Variants in PTPRK observed in about 807,000 individuals in gnomAD.
The protein encoded by PTPRK is receptor-type tyrosine-protein phosphatase kappa.
Under a neutral mutation model 178.0 loss-of-function variants are expected in PTPRK, and 75 were observed. The ratio of observed to expected loss-of-function variants is 0.42; its 90% CI spans 0.35 to 0.51. The LOEUF (loss-of-function observed/expected upper bound fraction) is 0.51, where lower values mean the gene tolerates loss of function less well. Ranked by LOEUF, PTPRK falls within the 20% of genes least tolerant of loss-of-function variation. The pLI, the probability that PTPRK is intolerant of heterozygous loss-of-function variation, is 0.02. For missense variants in PTPRK, 1,441 were observed against 1,797.8 expected (o/e 0.80, Z 3.59); for synonymous variants, 637 against 620.6 (o/e 1.03, Z -0.39).
intron 5 of PTPRK, among the ~76,000 whole-genome samples, chr6:128,228,620 A>G (rs2128277868): frequency 6.6e-6 from 1 of 150,498 alleles, no homozygotes; most frequent in Middle Eastern, 3.4e-3. Flanking sequence ...AGATCGCGCC[A>G]CTACACTCCA....
At chr6:128,201,414 G>A (rs1316216684) in intron 6 of PTPRK, among the ~76,000 whole-genome samples, 1 of 152,372 alleles carries the variant, frequency 6.6e-6, no homozygotes, top group East Asian at 1.9e-4. Flanking sequence ...GCACATGTGA[G>A]TGTGCATGAG....
intron 13 of PTPRK, among the ~76,000 whole-genome samples, chr6:128,060,231 A>G (rs1780582473): frequency 6.6e-6 from 1 of 152,130 alleles, no homozygotes; most frequent in Non-Finnish European, 1.5e-5. Flanking sequence ...ACTCCTTTTT[A>G]ATTTCTAGTT....
rs372902643 is a variant in PTPRK at position 128,295,952 on chromosome 6, T to C, written c.495+26087A>G. On this transcript the variant is annotated intron_variant, in intron 3 of 29. Transcript: ENST00000368226. ...AGTTTAGACTTACATCCTTACAGAG[T>C]GTGCTCTAAAGAACATAAAAAACGA... Among the ~76,000 whole-genome samples the C allele has an allele frequency of 3.9e-5, 6 of 152,140 alleles. No homozygotes were observed. The East Asian group carries it at 5.8e-4, about 15-fold the overall frequency.
At chr6:128,403,176 T>A (rs966115866) in intron 1 of PTPRK, among the ~76,000 whole-genome samples, 2 of 152,244 alleles carry the variant, frequency 1.3e-5, no homozygotes, top group East Asian at 1.9e-4. Context: ...CCAAGATTAT[T>A]TAGCTAGTAA....
intron 2 of PTPRK, among the ~76,000 whole-genome samples, chr6:128,395,200 A>G (rs75922360): frequency 6.6e-6 from 1 of 152,308 alleles, no homozygotes; most frequent in East Asian, 1.9e-4. Flanking sequence ...TCTATTATAA[A>G]AAGAGATGAC....
intron 1 of PTPRK, among the ~76,000 whole-genome samples, chr6:128,493,544 G>T (rs1292801568): frequency 6.8e-6 from 1 of 147,110 alleles, no homozygotes; most frequent in African/African-American, 2.5e-5. Context: ...CTGGGTGAAA[G>T]AGCGAGACTC....
chr6:128,171,315 A>G (rs1241924188), intron 7 of PTPRK, among the ~76,000 whole-genome samples: 2 of 152,082 alleles, frequency 1.3e-5, no homozygotes, highest in East Asian at 3.9e-4. Context: ...GCACTTTCAT[A>G]TTAGTACAAA....
Position 128,005,262 on chromosome 6 carries a change from A to G in PTPRK, c.2334-18T>C. Reference sequence around the variant, plus strand: ...CAAGTTTGCTGCCAAGGCAAATACAAAAGGGCATCCTTAGTGTTTGAGGCT... The same window carrying G: ...CAAGTTTGCTGCCAAGGCAAATACAGAAGGGCATCCTTAGTGTTTGAGGCT... On this transcript the variant is annotated intron_variant, in intron 14 of 29. Coordinates refer to ENST00000368226, the MANE Select transcript of PTPRK (RefSeq NM_002844.4). 4.3e-6 allele frequency: 7 copies of G among 1,610,204 alleles called. No individual in the cohort carries two copies. Among genetic ancestry groups the G allele is most frequent in the Non-Finnish European group, 5.9e-6 (7 of 1,177,680 alleles).
chr6:128,400,029 T>G (rs752048512), intron 1 of PTPRK, among the ~76,000 whole-genome samples: 48 of 152,294 alleles, frequency 3.2e-4, no homozygotes, highest in Admixed American at 1.6e-3. Flanking sequence ...AATTTTTTTG[T>G]AAAGAATTTT....
intron 13 of PTPRK, among the ~76,000 whole-genome samples, chr6:128,037,563 A>G (rs1280711335): frequency 6.6e-6 from 1 of 152,222 alleles, no homozygotes; most frequent in African/African-American, 2.4e-5. Flanking sequence ...ACATCAAGAC[A>G]TTTGGGAAAT....
At chr6:127,972,466 T>C (rs1774039999) in intron 29 of PTPRK, among the ~76,000 whole-genome samples, 1 of 152,230 alleles carries the variant, frequency 6.6e-6, no homozygotes. Context: ...AGCTCTTATT[T>C]TGTAAGCTAT....
At chr6:128,387,743 A>T (rs1259075993) in intron 2 of PTPRK, among the ~76,000 whole-genome samples, 1 of 152,164 alleles carries the variant, frequency 6.6e-6, no homozygotes, top group African/African-American at 2.4e-5. Flanking sequence ...CTAGTGAGTA[A>T]CAATGGCAGG....
chr6:128,039,428 T>C (rs569786113), intron 13 of PTPRK, among the ~76,000 whole-genome samples: 1 of 152,242 alleles, frequency 6.6e-6, no homozygotes, highest in Middle Eastern at 3.4e-3. Context: ...ATGCCCACAT[T>C]AAGTAAATAT....
At chr6:128,227,813 A>C (rs937158593) in intron 5 of PTPRK, among the ~76,000 whole-genome samples, 1 of 152,192 alleles carries the variant, frequency 6.6e-6, no homozygotes, top group African/African-American at 2.4e-5. Flanking sequence ...TTAAACAACA[A>C]AACTCAGAAA....
intron 2 of PTPRK, among the ~76,000 whole-genome samples, chr6:128,356,276 C>G (rs1474913535): frequency 6.6e-6 from 1 of 152,004 alleles, no homozygotes; most frequent in African/African-American, 2.4e-5. Flanking sequence ...AACAACAATT[C>G]AAGTCCAGAT....
At chr6:128,228,150 GA>G (rs1036004197) in intron 5 of PTPRK, among the ~76,000 whole-genome samples, 3 of 150,062 alleles carry the variant, frequency 2.0e-5, no homozygotes, top group South Asian at 2.1e-4. Flanking sequence ...AATAGAGAGG[GA>G]AAAAAAAGAA....
intron 1 of PTPRK, among the ~76,000 whole-genome samples, chr6:128,464,728 CACCAGCATA>C (rs1235858206): frequency 7.2e-6 from 1 of 138,480 alleles, no homozygotes; most frequent in Non-Finnish European, 1.5e-5. Context: ...GTACCTGTAA[CACCAGCATA>C]ACCAACTCTT....
chr6:128,285,525 A>T (rs1275638675), intron 3 of PTPRK, among the ~76,000 whole-genome samples: 1 of 150,870 alleles, frequency 6.6e-6, no homozygotes, highest in Non-Finnish European at 1.5e-5. Flanking sequence ...AAAAAAAAAA[A>T]AAAGGCTGGG....
intron 5 of PTPRK, among the ~76,000 whole-genome samples, chr6:128,229,788 GA>G (rs929208572): frequency 6.6e-6 from 1 of 151,860 alleles, no homozygotes; most frequent in African/African-American, 2.4e-5. Flanking sequence ...GATATTAAAA[GA>G]AAAAAAGAGT....
Sources: allele counts gnomAD v4.1 joint callset (sites outside exome capture counted in the v4.1 genomes callset), GRCh38; gene constraint gnomAD v4.1.1; transcripts MANE v1.5; gene names NCBI Gene and HGNC (gene_info 2026-07-23, HGNC 2026-07-21).